PPHLN1: variants seen among roughly 807,000 people sequenced by gnomAD.
PPHLN1 encodes periphilin-1.
In PPHLN1, 29 loss-of-function variants were observed where a neutral mutation model predicts 51.3. That is an observed-to-expected ratio of 0.57 (90% CI 0.42 to 0.77). PPHLN1 has a LOEUF of 0.77. Among genes scored for constraint, PPHLN1 ranks in the 30% least tolerant of loss-of-function variants. PPHLN1 has a pLI of 0.00. For missense variants in PPHLN1, 436 were observed against 438.4 expected (o/e 0.99, Z 0.05); for synonymous variants, 147 against 147.8 (o/e 0.99, Z 0.04).
At chr12:42,346,274 G>A (rs2072306686) in intron 2 of PPHLN1, among the ~76,000 whole-genome samples, 1 of 151,534 alleles carries the variant, frequency 6.6e-6, no homozygotes, top group Admixed American at 6.6e-5. Context: ...CTCTATCTCT[G>A]TGTATTTGAG....
At chr12:42,354,320 G>A (rs2073785135) in intron 3 of PPHLN1, among the ~76,000 whole-genome samples, 1 of 152,194 alleles carries the variant, frequency 6.6e-6, no homozygotes, top group African/African-American at 2.4e-5. Context: ...TTGGGTTCAA[G>A]TAATTCTCCT....
At position 42,398,850 on chromosome 12, in the gene PPHLN1, C is replaced by T. The variant is rs1346509237; in HGVS notation, c.769-4C>T. Reference sequence around the variant, plus strand: ...TAATTAAAGATTTCTAATTCCTTTTCAAGGCGGGATCCACAGCACCATTGT... The same window carrying T: ...TAATTAAAGATTTCTAATTCCTTTTTAAGGCGGGATCCACAGCACCATTGT... On this transcript the variant is annotated splice_region_variant and splice_polypyrimidine_tract_variant and intron_variant, in intron 8 of 9. Transcript: ENST00000358314. 2 of 1,610,942 alleles carry T rather than the reference C, an allele frequency of 1.2e-6. No individual in the cohort carries two copies. Among genetic ancestry groups the T allele is most frequent in the African/African-American group, 1.3e-5 (1 of 74,766 alleles).
downstream of PPHLN1, chr12:42,446,145 C>G (rs747208349): frequency 6.3e-7 from 1 of 1,591,390 alleles, no homozygotes; most frequent in Non-Finnish European, 8.6e-7. Flanking sequence ...CTTCGTCGGA[C>G]GACAGGAGCC....
Position 42,354,714 on chromosome 12 carries a change from A to G in PPHLN1, c.238-447A>G, listed in dbSNP as rs538896530. Reference sequence around the variant, plus strand: ...TTATATTGTTTCCAGTTTGGTTTTTAATTGAAAATAAGGTGAGAAAATAAA... The same window carrying G: ...TTATATTGTTTCCAGTTTGGTTTTTGATTGAAAATAAGGTGAGAAAATAAA... On this transcript the variant is annotated intron_variant, in intron 3 of 9. Transcript: ENST00000358314. 2.0e-5 allele frequency among the ~76,000 whole-genome samples: 3 copies of G among 152,278 alleles called. No homozygotes were observed. In the South Asian group the frequency reaches 6.2e-4, roughly 32 times the overall value.
chr12:42,373,962 G>A (rs889474889), intron 4 of PPHLN1, among the ~76,000 whole-genome samples: 1 of 151,954 alleles, frequency 6.6e-6, no homozygotes, highest in Non-Finnish European at 1.5e-5. Flanking sequence ...TAGTGTTGGG[G>A]GGCATGTCCT....
chr12:42,388,662 C>T (rs892607996), intron 7 of PPHLN1, among the ~76,000 whole-genome samples: 16 of 152,138 alleles, frequency 1.1e-4, no homozygotes, highest in Non-Finnish European at 2.2e-4. Context: ...GTCTCTCGTC[C>T]CACCTGACGA....
intron 8 of PPHLN1, among the ~76,000 whole-genome samples, chr12:42,395,143 C>A (rs910678345): frequency 6.6e-6 from 1 of 151,884 alleles, no homozygotes; most frequent in African/African-American, 2.4e-5. Flanking sequence ...TGAGTGACTT[C>A]GGATCTAGAA....
In PPHLN1 at chr12:42,387,508, A is replaced by C. The variant is rs779125538; in HGVS notation, c.621A>C (p.Ser207=). The C allele has an allele frequency of 3.1e-6, 5 of 1,613,386 alleles. No individual in the cohort carries two copies. The highest frequency in any genetic ancestry group is 4.2e-6 in the Non-Finnish European group (5 of 1,179,782). ...SLKTSRDTSP[S]SGSAVSSSKV... ...AAACATCAAGAGATACTTCACCCTCAAGTGGTTCAGCAGTTTCTTCATCAA... is the reference window on the plus strand; with the variant it reads ...AAACATCAAGAGATACTTCACCCTCCAGTGGTTCAGCAGTTTCTTCATCAA... Residue 207 remains serine, a synonymous_variant, in exon 7 of 10, where the codon TCA becomes TCC. Transcript: ENST00000358314.
At chr12:42,345,946 T>C (rs1351751319) in intron 2 of PPHLN1, among the ~76,000 whole-genome samples, 1 of 152,136 alleles carries the variant, frequency 6.6e-6, no homozygotes, top group African/African-American at 2.4e-5. Flanking sequence ...AATTTTATTG[T>C]GTATATTTGA....
intron 9 of PPHLN1, among the ~76,000 whole-genome samples, chr12:42,409,375 G>T (rs758792108): frequency 6.6e-6 from 1 of 152,242 alleles, no homozygotes; most frequent in Middle Eastern, 3.4e-3. Flanking sequence ...CTGTTATATT[G>T]TCATCTCCAT....
intron 4 of PPHLN1, among the ~76,000 whole-genome samples, chr12:42,359,073 T>A (rs1034540195): frequency 1.3e-5 from 2 of 152,208 alleles, no homozygotes; most frequent in African/African-American, 4.8e-5. Context: ...CAGTATCCCA[T>A]GATTCTGATA....
chr12:42,434,241 A>G (rs767459582), intron 9 of PPHLN1, among the ~76,000 whole-genome samples: 3 of 152,198 alleles, frequency 2.0e-5, no homozygotes, highest in Non-Finnish European at 1.5e-5. Flanking sequence ...ATGAGAATAC[A>G]TGGACACAAG....
chr12:42,330,238 C>G (rs150019852), intron 1 of PPHLN1, among the ~76,000 whole-genome samples: 1 of 152,338 alleles, frequency 6.6e-6, no homozygotes, highest in African/African-American at 2.4e-5. Context: ...AATGTACAAT[C>G]GGGTTTTATA....
At chr12:42,408,418 A>G (rs1044629001) in intron 9 of PPHLN1, among the ~76,000 whole-genome samples, 3 of 151,406 alleles carry the variant, frequency 2.0e-5, no homozygotes, top group Non-Finnish European at 4.4e-5. Flanking sequence ...GGCAAAAACC[A>G]CAATTACTTT....
chr12:42,330,885 A>G (rs1186603924), intron 1 of PPHLN1, among the ~76,000 whole-genome samples: 2 of 151,960 alleles, frequency 1.3e-5, no homozygotes, highest in Admixed American at 6.6e-5. Context: ...AATTTTTTGT[A>G]TTTTTGGTAG....
intron 4 of PPHLN1, among the ~76,000 whole-genome samples, chr12:42,357,657 A>G (rs746819955): frequency 6.6e-6 from 1 of 152,212 alleles, no homozygotes; most frequent in Non-Finnish European, 1.5e-5. Context: ...TAGATCAGCT[A>G]GTGGCTTATC....
intron 4 of PPHLN1, among the ~76,000 whole-genome samples, chr12:42,364,190 C>G (rs2075017676): frequency 6.6e-6 from 1 of 152,166 alleles, no homozygotes; most frequent in Non-Finnish European, 1.5e-5. Flanking sequence ...CACCACTGTA[C>G]TCCAGCTTGG....
At chr12:42,390,804 T>C (rs560594948) in intron 7 of PPHLN1, among the ~76,000 whole-genome samples, 34 of 151,054 alleles carry the variant, frequency 2.3e-4, no homozygotes, top group African/African-American at 7.8e-4. Flanking sequence ...ATTTTTTTTT[T>C]CACAGACCGT....
At chr12:42,359,490 G>C (rs1014918222) in intron 4 of PPHLN1, 1 of 152,172 alleles carries the variant, frequency 6.6e-6, no homozygotes, top group African/African-American at 2.4e-5. Context: ...GTCTTCACTT[G>C]ACGTCTGAGT....
Sources: gnomAD v4.1 joint callset for allele counts (sites outside exome capture counted in the v4.1 genomes callset) on GRCh38, gnomAD v4.1.1 for gene constraint, MANE v1.5 for transcripts, NCBI Gene and HGNC (gene_info 2026-07-23, HGNC 2026-07-21) for gene names.